The following MACROH2A2 variants were observed in gnomAD, a reference collection of about 807,000 sequenced individuals.
MACROH2A2 encodes macroH2A.2 histone.
A neutral mutation model predicts 37.6 loss-of-function variants in MACROH2A2; 6 were observed. The ratio of observed to expected loss-of-function variants is 0.16; its 90% CI spans 0.09 to 0.32. The LOEUF (loss-of-function observed/expected upper bound fraction) is 0.32. Among genes scored for constraint, MACROH2A2 ranks in the 10% least tolerant of loss-of-function variants. The pLI is 1.00. For missense variants in MACROH2A2, 290 were observed against 485.9 expected (o/e 0.60, Z 3.79); for synonymous variants, 192 against 202.7 (o/e 0.95, Z 0.45).
At chr10:70,079,395 G>A (rs1479653529) in intron 2 of MACROH2A2, among the ~76,000 whole-genome samples, 1 of 152,030 alleles carries the variant, frequency 6.6e-6, no homozygotes, top group Non-Finnish European at 1.5e-5. Context: ...AGTAAGGGAG[G>A]TGGGGAGTAA....
chr10:70,058,256 C>G (rs1296924057), intron 1 of MACROH2A2, among the ~76,000 whole-genome samples: 2 of 152,204 alleles, frequency 1.3e-5, no homozygotes, highest in Non-Finnish European at 2.9e-5. Context: ...ATCCATCATA[C>G]TTTGCCCGAT....
chr10:70,063,178 G>T (rs2072059686), intron 1 of MACROH2A2, among the ~76,000 whole-genome samples: 2 of 152,056 alleles, frequency 1.3e-5, no homozygotes, highest in African/African-American at 2.4e-5. Flanking sequence ...ACTTGATAAA[G>T]AAATTATTTG....
At chr10:70,104,639 C>T (rs944051018) in intron 7 of MACROH2A2, among the ~76,000 whole-genome samples, 2 of 152,206 alleles carry the variant, frequency 1.3e-5, no homozygotes, top group African/African-American at 4.8e-5. Context: ...CACGCTATTG[C>T]ACTCCAGCCT....
intron 2 of MACROH2A2, among the ~76,000 whole-genome samples, chr10:70,078,119 CAGCATCTCTGTT>C (rs1022388700): frequency 6.6e-6 from 1 of 152,058 alleles, no homozygotes; most frequent in African/African-American, 2.4e-5. Context: ...TTGGAATCCC[CAGCATCTCTGTT>C]AGTCTTTGGT....
intron 2 of MACROH2A2, among the ~76,000 whole-genome samples, chr10:70,079,559 G>GCA (rs558828414): frequency 2.3e-4 from 24 of 102,488 alleles, no homozygotes; most frequent in Admixed American, 4.9e-4. Flanking sequence ...GTTCGCGCGC[G>GCA]CGCGCGCACA....
rs1380175573 is a variant in MACROH2A2, at chr10:70,053,917, T to A, written c.-60+917T>A. 6.6e-6 allele frequency among the ~76,000 whole-genome samples: 1 copy of A among 152,136 alleles called. No individual in the cohort carries two copies. Among genetic ancestry groups the A allele is most frequent in the African/African-American group, 2.4e-5 (1 of 41,438 alleles). On this transcript the variant is annotated intron_variant, in intron 1 of 8. Coordinates refer to ENST00000373255, the MANE Select transcript of MACROH2A2 (RefSeq NM_018649.3). This position sits in a 1 kb window ranked among gnomAD's most constrained non-coding sequence, Gnocchi z 4.8. ...TCTGCCGGGCGCCGGACGCCGTGCGTATCGCTCGCGGGGCGCGGCGGTTGG... is the reference window on the plus strand; with the variant it reads ...TCTGCCGGGCGCCGGACGCCGTGCGAATCGCTCGCGGGGCGCGGCGGTTGG...
chr10:70,094,058 G>T (rs779861205), intron 5 of MACROH2A2, among the ~76,000 whole-genome samples: 1 of 152,104 alleles, frequency 6.6e-6, no homozygotes, highest in Non-Finnish European at 1.5e-5. Context: ...GCTAACATTG[G>T]TCAGACAAGG....
intron 2 of MACROH2A2, among the ~76,000 whole-genome samples, chr10:70,080,455 G>T (rs1045623751): frequency 8.5e-5 from 13 of 152,106 alleles, no homozygotes; most frequent in Non-Finnish European, 1.2e-4. Flanking sequence ...GTCCAAGAGG[G>T]CTGGGCAGAG....
chr10:70,065,026 T>C (rs1467825499), intron 1 of MACROH2A2, among the ~76,000 whole-genome samples: 3 of 151,162 alleles, frequency 2.0e-5, no homozygotes, highest in Non-Finnish European at 4.4e-5. Context: ...TTCATTCTTT[T>C]TTTTTTTCTT....
chr10:70,104,462 A>C (rs1434930062), intron 7 of MACROH2A2, among the ~76,000 whole-genome samples: 1 of 152,018 alleles, frequency 6.6e-6, no homozygotes, highest in Non-Finnish European at 1.5e-5. Context: ...GGCTCACCTG[A>C]GGTCGGGAGT....
chr10:70,059,224 A>G (rs945391659), intron 1 of MACROH2A2, among the ~76,000 whole-genome samples: 3 of 152,026 alleles, frequency 2.0e-5, no homozygotes, highest in Admixed American at 1.3e-4. Context: ...AGCTGGTGCA[A>G]TGGTTCTCAG....
In MACROH2A2 at chr10:70,112,217, T is replaced by TTTG. The variant is rs1165607407; in HGVS notation, c.*537_*539dup. 1 of 151,622 alleles carries TTTG rather than the reference T, an allele frequency of 6.6e-6. No individual in the cohort carries two copies. The highest frequency in any genetic ancestry group is 2.4e-5 in the African/African-American group (1 of 41,422). 9.4% of individuals were successfully genotyped at this position (151,622 alleles called of 1,614,324 possible). On this transcript the variant is annotated 3_prime_UTR_variant, in exon 9 of 9. Coordinates refer to ENST00000373255, the MANE Select transcript of MACROH2A2 (RefSeq NM_018649.3). ...GATTCAGGCTTTTTTTTGGTTTCAT[T>TTTG]TTGTTTTTTTAAGAAAAAGAAAATG... is the stretch of plus-strand genomic sequence containing the variant.
In MACROH2A2 at chr10:70,053,677, G is replaced by A. The variant is rs1047658389; in HGVS notation, c.-60+677G>A. Reference sequence around the variant, plus strand: ...GCCGCGGGCGGGCGTGCGCCCCGGGGCCGGCGCGGAAGAGGGCGCGAGGCC... The same window carrying A: ...GCCGCGGGCGGGCGTGCGCCCCGGGACCGGCGCGGAAGAGGGCGCGAGGCC... On this transcript the variant is annotated intron_variant, in intron 1 of 8. Coordinates refer to ENST00000373255, the MANE Select transcript of MACROH2A2 (RefSeq NM_018649.3). This position sits in a 1 kb window ranked among gnomAD's most constrained non-coding sequence, Gnocchi z 4.8. Among the ~76,000 whole-genome samples, 5 of 151,318 alleles carry A rather than the reference G, an allele frequency of 3.3e-5. No homozygotes were observed. The highest frequency in any genetic ancestry group is 1.2e-4 in the African/African-American group (5 of 41,334).
Position 70,111,720 on chromosome 10 carries a change from G to A in MACROH2A2, c.*37G>A, listed in dbSNP as rs758323102. On this transcript the variant is annotated 3_prime_UTR_variant, in exon 9 of 9. Transcript: ENST00000373255. The stretch of plus-strand genomic sequence containing the variant: ...TCCAGCAGGGATCGGAGGACGACCC[G>A]AGTCCCAAGAGTGGGGTTTTGCTTT... 2.7e-5 allele frequency: 41 copies of A among 1,518,990 alleles called. No individual in the cohort carries two copies. Among genetic ancestry groups the A allele is most frequent in the Admixed American group, 2.5e-4 (13 of 51,618 alleles). The allele number at this position is 1,518,990 out of a possible 1,614,324, so 94.1% of individuals were successfully genotyped here. A position where few individuals can be genotyped will look rare whatever the true frequency, so the allele number is the denominator to read the frequency against.
chr10:70,095,135 G>A (rs1001955707), intron 5 of MACROH2A2, among the ~76,000 whole-genome samples: 1 of 152,222 alleles, frequency 6.6e-6, no homozygotes, highest in African/African-American at 2.4e-5. Flanking sequence ...TTGGGAGGCA[G>A]AGGCGGGTGG....
In MACROH2A2 at chr10:70,108,015, T is replaced by A. The variant is rs1033277451; in HGVS notation, c.779-1018T>A. On this transcript the variant is annotated intron_variant, in intron 7 of 8. Coordinates refer to ENST00000373255, the MANE Select transcript of MACROH2A2 (RefSeq NM_018649.3). ...AAGAGGATCACTTGAGCCCTGGAGT[T>A]CAAGACCAGTCTGGGCAACATAGCA... Among the ~76,000 whole-genome samples, 12 of 151,990 alleles carry A rather than the reference T, an allele frequency of 7.9e-5. 1 individual carries two copies. The highest frequency in any genetic ancestry group is 1.6e-4 in the Non-Finnish European group (11 of 68,000).
chr10:70,074,116 C>A (rs906355988), intron 1 of MACROH2A2, among the ~76,000 whole-genome samples: 1 of 152,188 alleles, frequency 6.6e-6, no homozygotes, highest in Non-Finnish European at 1.5e-5. Flanking sequence ...TTGTCGGTTA[C>A]GGTACCCTGT....
chr10:70,078,471 A>G (rs1048177501), intron 2 of MACROH2A2, among the ~76,000 whole-genome samples: 26 of 152,130 alleles, frequency 1.7e-4, no homozygotes, highest in African/African-American at 5.8e-4. Context: ...CTCTCCCCCA[A>G]AGGCAGGCAG....
chr10:70,095,376 A>C (rs79916354), intron 5 of MACROH2A2, among the ~76,000 whole-genome samples: 4,403 of 151,880 alleles, frequency 0.029, 269 homozygotes, highest in East Asian at 0.21. Flanking sequence ...TCAAAAAAAA[A>C]AAAAAAAAGA....
Sources: allele counts gnomAD v4.1 joint callset (sites outside exome capture counted in the v4.1 genomes callset), GRCh38; gene constraint gnomAD v4.1.1; non-coding constraint Gnocchi (gnomAD v3.1); transcripts MANE v1.5; gene names NCBI Gene and HGNC (gene_info 2026-07-23, HGNC 2026-07-21).